Variants in LMO4 observed in about 807,000 individuals in gnomAD.
LMO4 encodes the protein LIM domain only 4.
Under a neutral mutation model 18.5 loss-of-function variants are expected in LMO4, and 3 were observed. The ratio of observed to expected loss-of-function variants is 0.16; its 90% confidence interval spans 0.07 to 0.42. The LOEUF (loss-of-function observed/expected upper bound fraction) is 0.42. Among genes scored for constraint, LMO4 ranks in the 10% least tolerant of loss-of-function variants. The pLI is 0.99. For missense variants in LMO4, 121 were observed against 219.9 expected (o/e 0.55, Z 2.84); for synonymous variants, 100 against 88.1 (o/e 1.14, Z -0.76).
chr1:87,339,979 ATAAACTT>A, intron 3 of LMO4, 61 bp from the exon 4 acceptor site: 3 of 1,530,546 alleles, frequency 2.0e-6, no homozygotes, highest in Non-Finnish European at 2.7e-6. Context: ...ATAACAGGTT[ATAAACTT>A]GTGACCAAAA....
In LMO4 at chr1:87,339,682, C is replaced by T. The variant is rs771889574; in HGVS notation, c.333+50C>T. On this transcript the variant is annotated intron_variant, in intron 3 of 4. Coordinates refer to ENST00000370544, the MANE Select transcript of LMO4 (RefSeq NM_006769.4). ...TTTTAAAAAAAAAATCATACCTTTC[C>T]TACCTACATGGGGGCAAAGCATTTC... 11 of 1,173,812 alleles carry T rather than the reference C, an allele frequency of 9.4e-6. No homozygotes were observed. The South Asian group carries it at 1.4e-4, about 15-fold the overall frequency. The allele number at this position is 1,173,812 out of a possible 1,614,324, so 72.7% of individuals were successfully genotyped here. A position where few individuals can be genotyped will look rare whatever the true frequency, so the allele number is the denominator to read the frequency against.
chr1:87,335,363 C>G (rs954628484), intron 2 of LMO4, among the ~76,000 whole-genome samples: 4 of 152,034 alleles, frequency 2.6e-5, no homozygotes, highest in African/African-American at 9.7e-5. Flanking sequence ...TGGCGGTCGT[C>G]GGCTGGCCCT....
rs1317004209 is a variant in LMO4, at chr1:87,328,893, C to CA, written c.-354dup. On this transcript the variant is annotated 5_prime_UTR_variant, in exon 1 of 5. Transcript: ENST00000370544. ...ATTGCCAAACTTGCAGCAGCGATTG[C>CA]AGCAGTTGCTGCCGCTGCGCCGCGC... 6.6e-6 allele frequency: 1 copy of CA among 152,546 alleles called. No homozygotes were observed. The highest frequency in any genetic ancestry group is 1.5e-5 in the Non-Finnish European group (1 of 68,016). 9.4% of individuals were successfully genotyped at this position (152,546 alleles called of 1,614,324 possible).
At chr1:87,332,851 A>T (rs917379312) in intron 2 of LMO4, among the ~76,000 whole-genome samples, 3 of 152,140 alleles carry the variant, frequency 2.0e-5, no homozygotes, top group African/African-American at 7.2e-5. Flanking sequence ...AAGAAATAAA[A>T]CCTGGTGGTA....
rs139563163 is a variant in LMO4 at position 87,344,682 on chromosome 1, TAAA to T, written c.490-104_490-102del. ...AAGTCACAGTTGGAAAGTAATCTAA[TAAA>T]AGAAGATTAGTGAATGTGGGGAAGA... is the stretch of plus-strand genomic sequence containing the variant. On this transcript the variant is annotated intron_variant, in intron 4 of 4. Coordinates refer to ENST00000370544, the MANE Select transcript of LMO4 (RefSeq NM_006769.4). 8.9e-4 allele frequency: 1,001 copies of T among 1,125,970 alleles called. 6 individuals carry two copies. The African/African-American group carries it at 0.013, about 15-fold the overall frequency. The allele number at this position is 1,125,970 out of a possible 1,614,324, so 69.7% of individuals were successfully genotyped here. A position where few individuals can be genotyped will look rare whatever the true frequency, so the allele number is the denominator to read the frequency against.
At position 87,328,913 on chromosome 1, in the gene LMO4, C is replaced by T. The variant is rs141655075; in HGVS notation, c.-335C>T. ...GATTGCAGCAGTTGCTGCCGCTGCG[C>T]CGCGCCTGAAGCCGCGCCGCGCGGG... On this transcript the variant is annotated 5_prime_UTR_variant, in exon 1 of 5. Coordinates refer to ENST00000370544, the MANE Select transcript of LMO4 (RefSeq NM_006769.4). The T allele has an allele frequency of 0.071, 10,752 of 152,292 alleles. 426 individuals are homozygous for T. The highest frequency in any genetic ancestry group is 0.12 in the Middle Eastern group (36 of 290). 9.4% of individuals were successfully genotyped at this position (152,292 alleles called of 1,614,324 possible).
intron 2 of LMO4, 27 bp downstream of exon 2, chr1:87,332,278 A>G: frequency 6.4e-7 from 1 of 1,566,072 alleles, no homozygotes. Context: ...TTTCCTGGAG[A>G]TGGGGGGAAG....
At position 87,344,891 on chromosome 1, in the gene LMO4, C is replaced by G; in HGVS notation, c.*95C>G. On this transcript the variant is annotated 3_prime_UTR_variant, in exon 5 of 5. Transcript: ENST00000370544. ...TTCAGTAGACAAGTCACCTTTGTAG[C>G]TAGCACCAGTGCCAGCTCCATGCCA... 1 of 1,251,524 alleles carries G rather than the reference C, an allele frequency of 8.0e-7. No individual in the cohort carries two copies. The highest frequency in any genetic ancestry group is 1.7e-5 in the Admixed American group (1 of 58,218). The allele number at this position is 1,251,524 out of a possible 1,614,324, so 77.5% of individuals were successfully genotyped here.
chr1:87,347,797 T>G lies in LMO4; in HGVS notation c.*3001T>G, dbSNP rs528427806. ...TACCTATCTAACTGTCTAATTAGAT[T>G]TACACATCCCGCAAGGCAGGGGAGC... On this transcript the variant is annotated 3_prime_UTR_variant, in exon 5 of 5. Transcript: ENST00000370544. 6.6e-6 allele frequency: 1 copy of G among 152,192 alleles called. No homozygotes were observed. The highest frequency in any genetic ancestry group is 2.4e-5 in the African/African-American group (1 of 41,450). The allele number at this position is 152,192 out of a possible 1,614,324, so 9.4% of individuals were successfully genotyped here.
chr1:87,332,394 G>T, intron 2 of LMO4, 143 bp downstream of exon 2: 1 of 652,866 alleles, frequency 1.5e-6, no homozygotes, highest in Non-Finnish European at 2.7e-6. Flanking sequence ...CGGAATTTAA[G>T]GGGTTCAGGA....
At chr1:87,339,762 T>C (rs1650419849) in intron 3 of LMO4, 130 bp downstream of exon 3, 3 of 693,732 alleles carry the variant, frequency 4.3e-6, no homozygotes, top group Admixed American at 4.8e-5. Flanking sequence ...ATGATTGAAA[T>C]TGTAGCATGG....
chr1:87,337,151 C>G (rs1323756408), intron 2 of LMO4, among the ~76,000 whole-genome samples: 2 of 152,308 alleles, frequency 1.3e-5, no homozygotes, highest in East Asian at 3.9e-4. Context: ...ATACGTTGTT[C>G]AATAGCACAT....
intron 3 of LMO4, 55 bp downstream of exon 3, chr1:87,339,687 T>C (rs745306579): frequency 4.7e-5 from 51 of 1,092,794 alleles, no homozygotes; most frequent in Non-Finnish European, 5.5e-5. Flanking sequence ...CTTTCCTACC[T>C]ACATGGGGGC....
chr1:87,341,985 G>A (rs1004970298), intron 4 of LMO4, among the ~76,000 whole-genome samples: 8 of 152,112 alleles, frequency 5.3e-5, no homozygotes, highest in African/African-American at 1.9e-4. Flanking sequence ...GTTACACTTG[G>A]TAGCAAAAAA....
In LMO4 at chr1:87,347,124, TAATG is replaced by T. The variant is rs1424921044; in HGVS notation, c.*2330_*2333del. On this transcript the variant is annotated 3_prime_UTR_variant, in exon 5 of 5. Coordinates refer to ENST00000370544, the MANE Select transcript of LMO4 (RefSeq NM_006769.4). The stretch of plus-strand genomic sequence containing the variant: ...TCCTCAAGCACTGCTGCGTATTTAA[TAATG>T]AGCTTCTAAAAGCATTTCTTAAGTT... 1 of 152,240 alleles carries T rather than the reference TAATG, an allele frequency of 6.6e-6. No individual in the cohort carries two copies. Among genetic ancestry groups the T allele is most frequent in the Non-Finnish European group, 1.5e-5 (1 of 68,052 alleles). 9.4% of individuals were successfully genotyped at this position (152,240 alleles called of 1,614,324 possible). A position where few individuals can be genotyped will look rare whatever the true frequency, so the allele number is the denominator to read the frequency against.
rs1024714905 is a variant in LMO4 at position 87,344,941 on chromosome 1, C to T, written c.*145C>T. On this transcript the variant is annotated 3_prime_UTR_variant, in exon 5 of 5. Transcript: ENST00000370544. ...ATTGCACCTTCTTTAGTCTTGATTG[C>T]CCTTCCCGCATTTATTGGTGTATTA... The T allele has an allele frequency of 1.4e-6, 1 of 726,788 alleles. No homozygotes were observed. Among genetic ancestry groups the T allele is most frequent in the Non-Finnish European group, 2.4e-6 (1 of 419,330 alleles). 45.0% of individuals were successfully genotyped at this position (726,788 alleles called of 1,614,324 possible).
chr1:87,348,144 A>T lies in LMO4; in HGVS notation c.*3348A>T, dbSNP rs1650686910. 6.6e-6 allele frequency: 1 copy of T among 152,452 alleles called. No homozygotes were observed. 9.4% of individuals were successfully genotyped at this position (152,452 alleles called of 1,614,324 possible). A position where few individuals can be genotyped will look rare whatever the true frequency, so the allele number is the denominator to read the frequency against. On this transcript the variant is annotated 3_prime_UTR_variant, in exon 5 of 5. Transcript: ENST00000370544. ...AAATATTTCTTAGGGCCCATAAATC[A>T]TATAATAAACAGTGAACCCAAGAGC...
chr1:87,330,735 CAG>C (rs1259903853), intron 1 of LMO4, among the ~76,000 whole-genome samples: 1 of 152,108 alleles, frequency 6.6e-6, no homozygotes, highest in African/African-American at 2.4e-5. Context: ...CCGGGAGCCT[CAG>C]GGGGAGCCCA....
intron 1 of LMO4, among the ~76,000 whole-genome samples, chr1:87,330,881 A>G (rs898204531): frequency 1.3e-5 from 2 of 152,190 alleles, no homozygotes; most frequent in Admixed American, 6.5e-5. Flanking sequence ...CAACAAATTA[A>G]TCGGTTTAGG....
Sources: gnomAD v4.1 joint callset for allele counts (sites outside exome capture counted in the v4.1 genomes callset) on GRCh38, gnomAD v4.1.1 for gene constraint, MANE v1.5 for transcripts, NCBI Gene and HGNC (gene_info 2026-07-23, HGNC 2026-07-21) for gene names.